The following SIPA1L1 variants were observed in gnomAD, a reference collection of about 807,000 sequenced individuals.
SIPA1L1 encodes the protein signal-induced proliferation-associated 1-like protein 1.
Under a neutral mutation model 162.7 loss-of-function variants are expected in SIPA1L1, and 26 were observed. The ratio of observed to expected loss-of-function variants is 0.16; its 90% CI spans 0.12 to 0.22. The LOEUF is 0.22. SIPA1L1 is among the 10% of genes least tolerant of loss of function. The probability of loss-of-function intolerance (pLI) is 1.00; values close to 1 mark genes in which losing one functional copy is unlikely to be tolerated. For missense variants in SIPA1L1, 1,874 were observed against 2,241.0 expected, an observed-to-expected ratio of 0.84 and a Z score of 3.31; for synonymous variants, 829 against 837.4, an observed-to-expected ratio of 0.99 and a Z score of 0.17.
chr14:71,471,689 G>C (rs1269763692), intron 2 of SIPA1L1, among the ~76,000 whole-genome samples: 1 of 152,244 alleles, frequency 6.6e-6, no homozygotes, highest in Admixed American at 6.5e-5. Flanking sequence ...TTTGGCCTGA[G>C]TGGCTGTGTG....
chr14:71,438,025 T>C (rs1359051592), intron 2 of SIPA1L1, among the ~76,000 whole-genome samples: 1 of 152,228 alleles, frequency 6.6e-6, no homozygotes, highest in East Asian at 1.9e-4. Context: ...TCACCCTTGT[T>C]ATCTCCTTAC....
intron 2 of SIPA1L1, among the ~76,000 whole-genome samples, chr14:71,378,594 T>G (rs992342062): frequency 6.6e-6 from 1 of 152,228 alleles, no homozygotes; most frequent in African/African-American, 2.4e-5. Context: ...CATGTGCATT[T>G]GAAAGGAATG....
chr14:71,738,190 A>AACCCC, intron 22 of SIPA1L1, 51 bp from the exon 23 acceptor site: 1 of 940,044 alleles, frequency 1.1e-6, no homozygotes, highest in Non-Finnish European at 1.6e-6. Flanking sequence ...AAAAAAACAA[A>AACCCC]CCCAGCCATG....
At chr14:71,677,878 C>T (rs1293188749) in intron 12 of SIPA1L1, among the ~76,000 whole-genome samples, 2 of 152,094 alleles carry the variant, frequency 1.3e-5, no homozygotes, top group East Asian at 1.9e-4. Context: ...TTACTGTAGC[C>T]TTGTAGTATA....
chr14:71,489,452 T>G (rs1236193224), intron 2 of SIPA1L1, among the ~76,000 whole-genome samples: 3 of 152,208 alleles, frequency 2.0e-5, no homozygotes, highest in Non-Finnish European at 4.4e-5. Flanking sequence ...TTTTATTGGA[T>G]ATTTTCCAGT....
intron 12 of SIPA1L1, among the ~76,000 whole-genome samples, chr14:71,675,595 T>A (rs1469437342): frequency 6.6e-6 from 1 of 152,234 alleles, no homozygotes; most frequent in East Asian, 1.9e-4. Flanking sequence ...AATGCTCTTG[T>A]GTCATTTTTT....
At chr14:71,719,275 A>G (rs2083503845) in intron 17 of SIPA1L1, among the ~76,000 whole-genome samples, 1 of 152,110 alleles carries the variant, frequency 6.6e-6, no homozygotes, top group African/African-American at 2.4e-5. Context: ...TTTTGTACAC[A>G]TACATATATG....
At chr14:71,724,598 T>C (rs2084053730) in intron 18 of SIPA1L1, 72 bp from the exon 19 acceptor site, 2 of 1,248,240 alleles carry the variant, frequency 1.6e-6, no homozygotes, top group African/African-American at 3.0e-5. Context: ...ACTTACATCC[T>C]TTAGAGCCCA....
At chr14:71,639,662 T>A (rs931803740) in intron 7 of SIPA1L1, among the ~76,000 whole-genome samples, 2 of 152,216 alleles carry the variant, frequency 1.3e-5, no homozygotes, top group African/African-American at 4.8e-5. Context: ...TTATTCTGTC[T>A]GATTTCAAGA....
At chr14:71,704,753 T>C in intron 15 of SIPA1L1, 1 of 1,613,122 alleles carries the variant, frequency 6.2e-7, no homozygotes, top group Non-Finnish European at 8.5e-7. Context: ...GGATTTCAAT[T>C]CTTTTGTCCT....
intron 12 of SIPA1L1, among the ~76,000 whole-genome samples, chr14:71,680,605 A>T (rs1596918230): frequency 6.6e-6 from 1 of 152,210 alleles, no homozygotes; most frequent in African/African-American, 2.4e-5. Flanking sequence ...GGAGATAGAG[A>T]CACAAAAAAC....
chr14:71,349,970 G>A (rs1013474438), intron 2 of SIPA1L1, among the ~76,000 whole-genome samples: 17 of 152,180 alleles, frequency 1.1e-4, no homozygotes, highest in African/African-American at 4.1e-4. Context: ...AGGTGATACT[G>A]CTTCTAAAAT....
At chr14:71,685,916 C>T (rs1313448983) in intron 13 of SIPA1L1, among the ~76,000 whole-genome samples, 2 of 152,024 alleles carry the variant, frequency 1.3e-5, no homozygotes, top group African/African-American at 2.4e-5. Context: ...GCTTAGTGGC[C>T]CTGTGGATTA....
chr14:71,488,168 A>G (rs1567093699), intron 2 of SIPA1L1, among the ~76,000 whole-genome samples: 1 of 152,212 alleles, frequency 6.6e-6, no homozygotes. Context: ...GGAGGGGGCC[A>G]GAACTACTGG....
intron 2 of SIPA1L1, chr14:71,330,277 T>C (rs2034365757): frequency 4.2e-6 from 3 of 713,990 alleles, no homozygotes; most frequent in Non-Finnish European, 7.8e-6. Context: ...GTGGCTCCCC[T>C]GAAGTCTAGT....
intron 20 of SIPA1L1, among the ~76,000 whole-genome samples, chr14:71,732,731 A>G (rs1017463602): frequency 3.3e-5 from 5 of 152,228 alleles, no homozygotes; most frequent in African/African-American, 4.8e-5. Flanking sequence ...GAATAATGCC[A>G]GTTCCACCCC....
intron 2 of SIPA1L1, among the ~76,000 whole-genome samples, chr14:71,492,864 A>G (rs2049399596): frequency 6.6e-6 from 1 of 151,238 alleles, no homozygotes; most frequent in Non-Finnish European, 1.5e-5. Context: ...GGGCTCAAGC[A>G]ATTCTCCCAC....
chr14:71,661,083 C>G (rs960222579), intron 9 of SIPA1L1, among the ~76,000 whole-genome samples: 2 of 152,190 alleles, frequency 1.3e-5, no homozygotes, highest in Admixed American at 6.5e-5. Flanking sequence ...TTGGGTAGAT[C>G]TATTTGAATG....
chr14:71,605,688 T>C (rs1006176111), intron 5 of SIPA1L1, among the ~76,000 whole-genome samples: 2 of 152,104 alleles, frequency 1.3e-5, no homozygotes, highest in Non-Finnish European at 2.9e-5. Flanking sequence ...TAGGGTACAG[T>C]TGTTAATGGA....
Sources: allele counts gnomAD v4.1 joint callset (sites outside exome capture counted in the v4.1 genomes callset), GRCh38; gene constraint gnomAD v4.1.1; transcripts MANE v1.5; gene names NCBI Gene and HGNC (gene_info 2026-07-23, HGNC 2026-07-21).